CDKL5: variants seen among roughly 807,000 people sequenced by gnomAD.
The protein encoded by CDKL5 is cyclin-dependent kinase-like 5.
CDKL5 carries 8 observed loss-of-function variants against 61.7 expected under a neutral mutation model. The ratio of observed to expected loss-of-function variants is 0.13; its 90% CI spans 0.08 to 0.23. The LOEUF (loss-of-function observed/expected upper bound fraction) is 0.23, where lower values mean the gene tolerates loss of function less well. Ranked by LOEUF, CDKL5 falls within the 10% of genes least tolerant of loss-of-function variation. CDKL5 has a pLI of 1.00. For missense variants in CDKL5, 440 were observed against 734.5 expected (o/e 0.60, Z 4.63); for synonymous variants, 275 against 272.3 (o/e 1.01, Z -0.10).
intron 20 of CDKL5, chrX:18,647,064 G>A (rs893935663): frequency 5.3e-6 from 4 of 752,068 alleles, no homozygotes; most frequent in Admixed American, 5.2e-5. Flanking sequence ...TTACAGGCAC[G>A]TGCCACCACG....
At chrX:18,537,929 G>C (rs1923899717) in intron 3 of CDKL5, among the ~76,000 whole-genome samples, 1 of 111,621 alleles carries the variant, frequency 9.0e-6, no homozygotes, top group Non-Finnish European at 1.9e-5. Flanking sequence ...ATCATTTCCA[G>C]TTTTCATTTC....
chrX:18,652,648 A>G (rs1280587639), intron 21 of CDKL5, among the ~76,000 whole-genome samples: 4 of 107,063 alleles, frequency 3.7e-5, no homozygotes, highest in Non-Finnish European at 5.8e-5. Context: ...CAGCTTGGGC[A>G]ACAGAGCCAG....
chrX:18,604,859 G>A lies in CDKL5; in HGVS notation c.1935G>A (p.Leu645=). ...CTAGAGCCAACAGCCTGCAACTCTT[G>A]TCACCCCAGGTACAGTTGAGCACCT... ...MAARANSLQL[L]SPQPGEQLPP... Residue 645 remains leucine, a synonymous_variant, in exon 12 of 18, where the codon TTG becomes TTA. Coordinates refer to ENST00000623535, the MANE Select transcript of CDKL5 (RefSeq NM_001323289.2). 8.3e-7 allele frequency: 1 copy of A among 1,211,376 alleles called. No individual in the cohort carries two copies. The highest frequency in any genetic ancestry group is 1.7e-5 in the African/African-American group (1 of 57,670).
Position 18,610,189 on chromosome X carries a change from A to G in CDKL5, c.2152+619A>G, listed in dbSNP as rs1307710993. ...AGGATGTCATTCCAGACTTCCCATG[A>G]TCTGGCCCTTGCCATGCTCTCCAGC... On this transcript the variant is annotated intron_variant, in intron 14 of 17. Transcript: ENST00000623535. Among the ~76,000 whole-genome samples, 4 of 109,152 alleles carry G rather than the reference A, an allele frequency of 3.7e-5. No homozygotes were observed. In the East Asian group the frequency reaches 1.2e-3, roughly 32 times the overall value. The allele number at this position is 109,152 out of a possible 115,157, so 94.8% of individuals were successfully genotyped here.
At chrX:18,532,747 G>T (rs1778880430) in intron 3 of CDKL5, among the ~76,000 whole-genome samples, 1 of 110,978 alleles carries the variant, frequency 9.0e-6, no homozygotes, top group Admixed American at 9.6e-5. Context: ...TTGATTACTG[G>T]CTACAAATTT....
chrX:18,491,578 G>C (rs1007629953), intron 1 of CDKL5, among the ~76,000 whole-genome samples: 1 of 111,607 alleles, frequency 9.0e-6, no homozygotes. Context: ...GTCATTGACA[G>C]TGTTTGAAAT....
At chrX:18,461,320 G>A (rs1343636050) in intron 1 of CDKL5, among the ~76,000 whole-genome samples, 3 of 112,264 alleles carry the variant, frequency 2.7e-5, no homozygotes, top group African/African-American at 9.7e-5. Flanking sequence ...AAAGATTAAA[G>A]TTTGCCATTA....
intron 15 of CDKL5, among the ~76,000 whole-genome samples, chrX:18,614,218 A>C (rs1380321415): frequency 8.9e-6 from 1 of 112,441 alleles, no homozygotes; most frequent in Non-Finnish European, 1.9e-5. Context: ...TGATAAAGTT[A>C]CATCAAGGTT....
Position 18,632,949 on chromosome X carries a change from C to T in CDKL5, c.*4192C>T. 1 of 753,334 alleles carries T rather than the reference C, an allele frequency of 1.3e-6. No homozygotes were observed. The highest frequency in any genetic ancestry group is 1.6e-6 in the Non-Finnish European group (1 of 638,683). The allele number at this position is 753,334 out of a possible 1,213,427, so 62.1% of individuals were successfully genotyped here. ...TCATAGTACAACTTTTTTTCAAAGG[C>T]CAGAGGATTACTTTGCAAGTGTGTA... On this transcript the variant is annotated 3_prime_UTR_variant, in exon 18 of 18. Coordinates refer to ENST00000623535, the MANE Select transcript of CDKL5 (RefSeq NM_001323289.2).
chrX:18,509,246 C>CACACACAG lies in CDKL5; in HGVS notation c.65-1574_65-1573insACACACAG, dbSNP rs1555940191. On this transcript the variant is annotated intron_variant, in intron 2 of 17. Transcript: ENST00000623535. ...ACACACACACACACACACACACACACCCCTGTCAAGCAAACTCTGCATTCT... is the reference window on the plus strand; with the variant it reads ...ACACACACACACACACACACACACACACACACAGCCCTGTCAAGCAAACTCTGCATTCT... Among the ~76,000 whole-genome samples the CACACACAG allele has an allele frequency of 3.1e-5, 3 of 97,272 alleles. No homozygotes were observed. The East Asian group carries it at 1.1e-3, about 37-fold the overall frequency. 84.5% of individuals were successfully genotyped at this position (97,272 alleles called of 115,157 possible). A position where few individuals can be genotyped will look rare whatever the true frequency, so the allele number is the denominator to read the frequency against.
intron 21 of CDKL5, among the ~76,000 whole-genome samples, chrX:18,652,889 A>G (rs1400616092): frequency 8.9e-6 from 1 of 112,605 alleles, no homozygotes; most frequent in Admixed American, 9.4e-5. Flanking sequence ...TTACCAGCCC[A>G]AGGCTGTGTA....
intron 3 of CDKL5, among the ~76,000 whole-genome samples, chrX:18,529,639 G>GT (rs887786245): frequency 9.4e-4 from 101 of 106,910 alleles, no homozygotes; most frequent in African/African-American, 3.0e-3. Context: ...TTGAGGTAGA[G>GT]TTTTTTTTTT....
At chrX:18,449,898 G>A (rs753487132) in intron 1 of CDKL5, among the ~76,000 whole-genome samples, 2 of 110,321 alleles carry the variant, frequency 1.8e-5, no homozygotes, top group South Asian at 3.9e-4. Flanking sequence ...ATGTTCAAGC[G>A]ATTCCCCTGC....
At chrX:18,575,305 T>G in intron 4 of CDKL5, 49 bp from the exon 5 acceptor site, 2 of 1,148,779 alleles carry the variant, frequency 1.7e-6, no homozygotes, top group Non-Finnish European at 2.4e-6. Context: ...CTTTGAATAG[T>G]AGCTTGAAAG....
Position 18,542,613 on chromosome X carries a change from T to G in CDKL5, c.100-21864T>G, listed in dbSNP as rs749349832. ...CAGTGTTAATGTCTCTTAATTGTCTTCTTTCATTCATTCAGGTTGTGATTT... is the reference window on the plus strand; with the variant it reads ...CAGTGTTAATGTCTCTTAATTGTCTGCTTTCATTCATTCAGGTTGTGATTT... On this transcript the variant is annotated intron_variant, in intron 3 of 17. Transcript: ENST00000623535. Among the ~76,000 whole-genome samples, 3 of 110,920 alleles carry G rather than the reference T, an allele frequency of 2.7e-5. No individual in the cohort carries two copies. The East Asian group carries it at 8.5e-4, about 31-fold the overall frequency.
At chrX:18,487,418 C>A (rs1168427889) in intron 1 of CDKL5, among the ~76,000 whole-genome samples, 1 of 112,651 alleles carries the variant, frequency 8.9e-6, no homozygotes, top group Non-Finnish European at 1.9e-5. Context: ...CTGTGTCAAC[C>A]TCCCAAGTAG....
At chrX:18,524,749 T>G (rs1376429811) in intron 3 of CDKL5, among the ~76,000 whole-genome samples, 1 of 112,033 alleles carries the variant, frequency 8.9e-6, no homozygotes, top group African/African-American at 3.3e-5. Context: ...TACGTTTAGG[T>G]GTATGATCCA....
At chrX:18,522,052 AT>A (rs1262274218) in intron 3 of CDKL5, among the ~76,000 whole-genome samples, 7 of 108,752 alleles carry the variant, frequency 6.4e-5, no homozygotes, top group Admixed American at 9.9e-5. Context: ...TGAATTTGAA[AT>A]TTTTTTTTTC....
intron 3 of CDKL5, among the ~76,000 whole-genome samples, chrX:18,518,905 AC>A (rs1225000352): frequency 9.0e-6 from 1 of 110,992 alleles, no homozygotes; most frequent in Non-Finnish European, 1.9e-5. Context: ...CCACATGAGA[AC>A]TACCATAAAG....
Sources: allele counts gnomAD v4.1 joint callset (sites outside exome capture counted in the v4.1 genomes callset), GRCh38; gene constraint gnomAD v4.1.1; transcripts MANE v1.5; gene names NCBI Gene and HGNC (gene_info 2026-07-23, HGNC 2026-07-21).